PRKN: variants seen among roughly 807,000 people sequenced by gnomAD.
The protein encoded by PRKN is E3 ubiquitin-protein ligase parkin.
PRKN carries 56 observed loss-of-function variants against 59.5 expected under a neutral mutation model. The ratio of observed to expected loss-of-function variants is 0.94; its 90% confidence interval spans 0.76 to 1.18. The LOEUF (loss-of-function observed/expected upper bound fraction) is 1.18. Ranked by LOEUF, PRKN falls within the 50% of genes most tolerant of loss-of-function variation. The pLI, the probability that PRKN is intolerant of heterozygous loss-of-function variation, is 0.00. For missense variants in PRKN, 657 were observed against 596.4 expected, an observed-to-expected ratio of 1.10 and a Z score of -1.06; for synonymous variants, 250 against 222.1, an observed-to-expected ratio of 1.13 and a Z score of -1.12.
rs977305259 is a variant in PRKN, at chr6:161,548,467, C to T, written c.1083+387G>A. Among the ~76,000 whole-genome samples, 1 of 152,124 alleles carries T rather than the reference C, an allele frequency of 6.6e-6. No homozygotes were observed. The highest frequency in any genetic ancestry group is 1.5e-5 in the Non-Finnish European group (1 of 68,020). The stretch of plus-strand genomic sequence containing the variant: ...ACTCAGGCAAACAATGTCACTAAGA[C>T]GTCACTGATGGAGAATTCTTTCTCC... On this transcript the variant is annotated intron_variant, in intron 9 of 11. Transcript: ENST00000366898. This position sits in a 1 kb window ranked among gnomAD's most constrained non-coding sequence, Gnocchi z 4.2.
chr6:162,521,030 AT>A (rs1778062805), intron 1 of PRKN, among the ~76,000 whole-genome samples: 1 of 152,070 alleles, frequency 6.6e-6, no homozygotes, highest in Non-Finnish European at 1.5e-5. Context: ...CATGATTAAT[AT>A]TTTTTTCCAG....
intron 6 of PRKN, among the ~76,000 whole-genome samples, chr6:161,946,386 T>TCA (rs368190954): frequency 0.039 from 4,364 of 113,110 alleles, 305 homozygotes; most frequent in African/African-American, 0.15. Context: ...TGCATGCACA[T>TCA]CACACACACA....
At chr6:162,569,132 C>T in intron 1 of PRKN, 2 of 635,708 alleles carry the variant, frequency 3.1e-6, no homozygotes, top group Admixed American at 2.2e-5. Context: ...CCAACCTCAG[C>T]CGGGCTGAGG....
intron 1 of PRKN, among the ~76,000 whole-genome samples, chr6:162,524,357 G>C (rs576552130): frequency 2.6e-4 from 39 of 152,214 alleles, no homozygotes; most frequent in African/African-American, 9.4e-4. Flanking sequence ...TTATCATTTG[G>C]AGGAGTCATT....
chr6:162,089,135 T>C (rs1262958097), intron 4 of PRKN, among the ~76,000 whole-genome samples: 1 of 152,058 alleles, frequency 6.6e-6, no homozygotes, highest in East Asian at 1.9e-4. Flanking sequence ...AGGAAATAAA[T>C]GCAAATCACA....
In PRKN at chr6:161,369,754, A is replaced by G. The variant is rs1010534756; in HGVS notation, c.1168-9549T>C. 6.0e-5 allele frequency among the ~76,000 whole-genome samples: 9 copies of G among 151,240 alleles called. No individual in the cohort carries two copies. The South Asian group carries it at 1.5e-3, about 25-fold the overall frequency. On this transcript the variant is annotated intron_variant, in intron 10 of 11. Transcript: ENST00000366898. The surrounding 1 kb of genome is among the most constrained non-coding windows in gnomAD (Gnocchi z 5.8). ...GAAAATAGCGATTTCATAAATATATATATGAAACATCTATAATATACTTAT... is the reference window on the plus strand; with the variant it reads ...GAAAATAGCGATTTCATAAATATATGTATGAAACATCTATAATATACTTAT...
intron 9 of PRKN, among the ~76,000 whole-genome samples, chr6:161,436,622 G>C (rs990419230): frequency 1.3e-5 from 2 of 151,988 alleles, no homozygotes; most frequent in African/African-American, 4.8e-5. Flanking sequence ...GGGAGAGAAA[G>C]AGAGAAAGGC....
intron 1 of PRKN, among the ~76,000 whole-genome samples, chr6:162,493,231 T>C (rs1373119470): frequency 6.6e-6 from 1 of 152,126 alleles, no homozygotes; most frequent in Non-Finnish European, 1.5e-5. Context: ...CAATTTAAAA[T>C]GGAAAAGGGA....
intron 2 of PRKN, among the ~76,000 whole-genome samples, chr6:162,296,286 C>T (rs1781674839): frequency 6.8e-6 from 1 of 147,516 alleles, no homozygotes; most frequent in Non-Finnish European, 1.5e-5. Flanking sequence ...TCTGCGCTGC[C>T]TCCCAGCCAG....
At chr6:161,661,618 C>A (rs1402770655) in intron 7 of PRKN, among the ~76,000 whole-genome samples, 1 of 151,432 alleles carries the variant, frequency 6.6e-6, no homozygotes, top group Non-Finnish European at 1.5e-5. Context: ...AATTTCTTGT[C>A]CATTTTCACT....
intron 2 of PRKN, among the ~76,000 whole-genome samples, chr6:162,360,574 T>C (rs1200845978): frequency 6.6e-6 from 1 of 152,084 alleles, no homozygotes; most frequent in Admixed American, 6.6e-5. Flanking sequence ...ATAAAATAAG[T>C]CATTTGTTCT....
At position 161,897,579 on chromosome 6, in the gene PRKN, CTA is replaced by C. The variant is rs147749954; in HGVS notation, c.734+75721_734+75722del. The stretch of plus-strand genomic sequence containing the variant: ...ATGATAAATAACAGATGTGGGTACT[CTA>C]TACAGCAATTGTTTAAAAATAATTT... On this transcript the variant is annotated intron_variant, in intron 6 of 11. Transcript: ENST00000366898. 9.2e-3 allele frequency among the ~76,000 whole-genome samples: 1,404 copies of C among 152,306 alleles called. 22 individuals carry two copies. Among genetic ancestry groups the C allele is most frequent in the African/African-American group, 0.032 (1,333 of 41,558 alleles).
At chr6:161,946,414 A>ACTCTCT (rs61537965) in intron 6 of PRKN, among the ~76,000 whole-genome samples, 133 of 114,404 alleles carry the variant, frequency 1.2e-3, no homozygotes, top group East Asian at 7.3e-3. Flanking sequence ...ACACACACAC[A>ACTCTCT]CTCTCTCTCT....
At chr6:162,344,268 T>G (rs933100262) in intron 2 of PRKN, among the ~76,000 whole-genome samples, 1 of 152,146 alleles carries the variant, frequency 6.6e-6, no homozygotes, top group South Asian at 2.1e-4. Flanking sequence ...ACATATGGTC[T>G]TCAATGTGCA....
chr6:162,574,358 C>G (rs1780469957), intron 1 of PRKN, among the ~76,000 whole-genome samples: 2 of 148,836 alleles, frequency 1.3e-5, no homozygotes, highest in Admixed American at 6.7e-5. Context: ...ATCTTGAAAC[C>G]CAAGAGAAAG....
At chr6:161,514,434 G>C (rs1778511889) in intron 9 of PRKN, among the ~76,000 whole-genome samples, 2 of 152,008 alleles carry the variant, frequency 1.3e-5, no homozygotes, top group Non-Finnish European at 2.9e-5. Context: ...ATTTTGAGGA[G>C]TGATAGGGGT....
At chr6:162,111,837 T>C (rs1256972120) in intron 4 of PRKN, among the ~76,000 whole-genome samples, 1 of 152,226 alleles carries the variant, frequency 6.6e-6, no homozygotes, top group East Asian at 1.9e-4. Context: ...CTTTAGTTTG[T>C]TGCCCTGGGG....
intron 2 of PRKN, among the ~76,000 whole-genome samples, chr6:162,440,503 T>G (rs1790000363): frequency 6.6e-6 from 1 of 152,192 alleles, no homozygotes; most frequent in Non-Finnish European, 1.5e-5. Context: ...TCAGTTTTCC[T>G]AGGACACTCC....
Position 161,870,278 on chromosome 6 carries a change from C to T in PRKN, c.735-84370G>A, listed in dbSNP as rs139460870. Among the ~76,000 whole-genome samples, 496 of 152,238 alleles carry T rather than the reference C, an allele frequency of 3.3e-3. 5 individuals are homozygous for T. Among genetic ancestry groups the T allele is most frequent in the African/African-American group, 0.011 (471 of 41,538 alleles). The stretch of plus-strand genomic sequence containing the variant: ...GAAAATGACAAAATCAGAAGCCCCC[C>T]CACAGCTCAGCACATACTCTATTAC... On this transcript the variant is annotated intron_variant, in intron 6 of 11. Coordinates refer to ENST00000366898, the MANE Select transcript of PRKN (RefSeq NM_004562.3).
Sources: gnomAD v4.1 joint callset for allele counts (sites outside exome capture counted in the v4.1 genomes callset) on GRCh38, gnomAD v4.1.1 for gene constraint, Gnocchi (gnomAD v3.1) non-coding constraint, MANE v1.5 for transcripts, NCBI Gene and HGNC (gene_info 2026-07-23, HGNC 2026-07-21) for gene names.